Variants in SRGAP2 observed in about 807,000 individuals in gnomAD.
SRGAP2 encodes the protein SLIT-ROBO Rho GTPase-activating protein 2.
In SRGAP2, 15 loss-of-function variants were observed where a neutral mutation model predicts 57.2. The observed-to-expected ratio is 0.26, with a 90% CI of 0.18 to 0.40. The LOEUF (loss-of-function observed/expected upper bound fraction) is 0.40, where lower values mean the gene tolerates loss of function less well. Ranked by LOEUF, SRGAP2 falls within the 10% of genes least tolerant of loss-of-function variation. The pLI is 1.00. For missense variants in SRGAP2, 520 were observed against 669.6 expected (o/e 0.78, Z 2.47); for synonymous variants, 249 against 248.0 (o/e 1.00, Z -0.04).
intron 4 of SRGAP2, among the ~76,000 whole-genome samples, chr1:206,377,473 G>A (rs1571999264): frequency 7.3e-6 from 1 of 136,242 alleles, no homozygotes. Context: ...TGGATTTTTT[G>A]AAATCAGATT....
chr1:206,432,376 C>A (rs1264162924), intron 14 of SRGAP2, among the ~76,000 whole-genome samples: 1 of 152,182 alleles, frequency 6.6e-6, no homozygotes, highest in African/African-American at 2.4e-5. Context: ...CAGTATCTAA[C>A]AAAACTTCAT....
At chr1:206,432,929 G>C (rs1163272233) in intron 14 of SRGAP2, among the ~76,000 whole-genome samples, 1 of 152,162 alleles carries the variant, frequency 6.6e-6, no homozygotes, top group Non-Finnish European at 1.5e-5. Context: ...GTGGCTCTTT[G>C]TTGCCGCCAA....
At chr1:206,459,188 ACTGG>A (rs1664069733) in intron 22 of SRGAP2, among the ~76,000 whole-genome samples, 1 of 152,236 alleles carries the variant, frequency 6.6e-6, no homozygotes, top group Non-Finnish European at 1.5e-5. Flanking sequence ...TTGCTCATAC[ACTGG>A]CTATTAGGAA....
At chr1:206,459,281 T>C (rs1572211505) in intron 22 of SRGAP2, among the ~76,000 whole-genome samples, 1 of 152,320 alleles carries the variant, frequency 6.6e-6, no homozygotes, top group Non-Finnish European at 1.5e-5. Context: ...TGGTAGACTT[T>C]AGTGAAACTG....
intron 17 of SRGAP2, among the ~76,000 whole-genome samples, chr1:206,443,735 GACAC>G (rs1662511693): frequency 6.6e-6 from 1 of 152,162 alleles, no homozygotes; most frequent in Non-Finnish European, 1.5e-5. Context: ...TCTTACACTA[GACAC>G]AGCCTTCAGG....
At chr1:206,438,469 A>T (rs1661973090) in intron 16 of SRGAP2, among the ~76,000 whole-genome samples, 1 of 152,200 alleles carries the variant, frequency 6.6e-6, no homozygotes, top group African/African-American at 2.4e-5. Flanking sequence ...CAAATATTTC[A>T]TGCTTGTTGC....
rs1181742310 is a variant in SRGAP2, at chr1:206,454,558, G to A, written c.2361-320G>A. The A allele has an allele frequency of 9.9e-6, 4 of 404,126 alleles. No homozygotes were observed. The highest frequency in any genetic ancestry group is 4.1e-5 in the African/African-American group (2 of 48,778). The allele number at this position is 404,126 out of a possible 1,614,324, so 25.0% of individuals were successfully genotyped here. A position where few individuals can be genotyped will look rare whatever the true frequency, so the allele number is the denominator to read the frequency against. On this transcript the variant is annotated intron_variant, in intron 20 of 22. Transcript: ENST00000573034. The surrounding 1 kb of genome is among the most constrained non-coding windows in gnomAD (Gnocchi z 4.3). ...TTGCCGCCTCCTTCTCCAGGAGGCCGCCCCAGCACGGCCTCCCCAGGAAGC... is the reference window on the plus strand; with the variant it reads ...TTGCCGCCTCCTTCTCCAGGAGGCCACCCCAGCACGGCCTCCCCAGGAAGC...
At chr1:206,259,843 C>A (rs1368212665) in intron 2 of SRGAP2, among the ~76,000 whole-genome samples, 2 of 121,008 alleles carry the variant, frequency 1.7e-5, no homozygotes, top group African/African-American at 3.2e-5. Flanking sequence ...TAGATAAACC[C>A]ATTAGAAGTC....
intron 2 of SRGAP2, among the ~76,000 whole-genome samples, chr1:206,290,629 G>A (rs1159587269): frequency 4.3e-5 from 5 of 117,502 alleles, no homozygotes; most frequent in Non-Finnish European, 6.5e-5. Flanking sequence ...GCAACAGAGC[G>A]AGACTCCATC....
At chr1:206,313,147 CT>C (rs1459750957) in intron 3 of SRGAP2, among the ~76,000 whole-genome samples, 5 of 145,826 alleles carry the variant, frequency 3.4e-5, no homozygotes, top group African/African-American at 1.3e-4. Flanking sequence ...TTATAACCCA[CT>C]GTCAGTATCT....
intron 4 of SRGAP2, among the ~76,000 whole-genome samples, chr1:206,359,478 A>G (rs1411624731): frequency 3.6e-5 from 2 of 54,818 alleles, no homozygotes; most frequent in Non-Finnish European, 7.0e-5. Flanking sequence ...AATGGGAACT[A>G]AAAGAATTAG....
At chr1:206,446,551 C>T (rs1406854585) in intron 18 of SRGAP2, among the ~76,000 whole-genome samples, 1 of 152,190 alleles carries the variant, frequency 6.6e-6, no homozygotes, top group Non-Finnish European at 1.5e-5. Context: ...ATATTGACAA[C>T]ATTAATTGTG....
chr1:206,363,497 A>G (rs1677061328), intron 4 of SRGAP2, among the ~76,000 whole-genome samples: 1 of 152,090 alleles, frequency 6.6e-6, no homozygotes. Flanking sequence ...TAATACTATA[A>G]TCTCTCAATC....
chr1:206,222,865 A>G (rs1277517239), intron 2 of SRGAP2, among the ~76,000 whole-genome samples: 2 of 150,258 alleles, frequency 1.3e-5, no homozygotes, highest in Admixed American at 6.6e-5. Context: ...GGGTGGTTGT[A>G]TAGATAAACT....
At chr1:206,361,600 AACTTT>A (rs782223166) in intron 4 of SRGAP2, among the ~76,000 whole-genome samples, 1,741 of 150,210 alleles carry the variant, frequency 0.012, 28 homozygotes, top group African/African-American at 0.041. Flanking sequence ...AGTCACAAAA[AACTTT>A]ACTTTAGAGA....
intron 3 of SRGAP2, among the ~76,000 whole-genome samples, chr1:206,331,796 T>G (rs1674377954): frequency 9.1e-6 from 1 of 109,932 alleles, no homozygotes; most frequent in Non-Finnish European, 1.7e-5. Context: ...GTGGAGAATT[T>G]AGTCCATTTA....
At chr1:206,457,269 G>A (rs1341919886) in intron 21 of SRGAP2, among the ~76,000 whole-genome samples, 1 of 152,132 alleles carries the variant, frequency 6.6e-6, no homozygotes, top group African/African-American at 2.4e-5. Flanking sequence ...CATTTATTAA[G>A]TATCTACTGT....
intron 4 of SRGAP2, among the ~76,000 whole-genome samples, chr1:206,360,996 AG>A (rs782361386): frequency 5.8e-5 from 5 of 85,980 alleles, no homozygotes; most frequent in Non-Finnish European, 1.2e-4. Flanking sequence ...AGACCAGTTG[AG>A]GTCATGAAAG....
At position 206,435,213 on chromosome 1, in the gene SRGAP2, TC is replaced by T. The variant is rs1307375773; in HGVS notation, c.1556-1749del. ...GTTTCAGTTGGATTCAAAATATCAG[TC>T]CCGGCCTATGTGGTTTACCTCCAAA... On this transcript the variant is annotated intron_variant, in intron 14 of 22. Transcript: ENST00000573034. Among the ~76,000 whole-genome samples, 38 of 152,338 alleles carry T rather than the reference TC, an allele frequency of 2.5e-4. 1 individual carries two copies. Among genetic ancestry groups the T allele is most frequent in the Admixed American group, 2.4e-3 (37 of 15,302 alleles).
Sources: gnomAD v4.1 joint callset for allele counts (sites outside exome capture counted in the v4.1 genomes callset) on GRCh38, gnomAD v4.1.1 for gene constraint, Gnocchi (gnomAD v3.1) non-coding constraint, MANE v1.5 for transcripts, NCBI Gene and HGNC (gene_info 2026-07-23, HGNC 2026-07-21) for gene names.